Variants in LRRC25 observed in about 807,000 individuals in gnomAD.
The protein encoded by LRRC25 is leucine-rich repeat-containing protein 25.
In LRRC25, 5 loss-of-function variants were observed where a neutral mutation model predicts 18.8. That is an observed-to-expected ratio of 0.27 (90% CI 0.14 to 0.56). The LOEUF (loss-of-function observed/expected upper bound fraction) is 0.56. Ranked by LOEUF, LRRC25 falls within the 20% of genes least tolerant of loss-of-function variation. The pLI, the probability that LRRC25 is intolerant of heterozygous loss-of-function variation, is 0.93. For missense variants in LRRC25, 341 were observed against 389.8 expected (o/e 0.87, Z 1.05); for synonymous variants, 161 against 176.8 (o/e 0.91, Z 0.71).
In LRRC25 at chr19:18,396,279, G is replaced by T; in HGVS notation, c.685C>A (p.Pro229Thr). ...PRYGSRSAPK[P>T]QVAVPSCPST... ...GGGCAGGATGGCACGGCCACTTGGG[G>T]CTTGGGGGCGCTCCGGCTGCCGTAC... Residue 229 changes from proline to threonine, a missense_variant, in exon 1 of 2, where the codon CCC becomes ACC. Coordinates refer to ENST00000339007, the MANE Select transcript of LRRC25 (RefSeq NM_145256.3). 6.2e-7 allele frequency: 1 copy of T among 1,613,160 alleles called. No homozygotes were observed. The highest frequency in any genetic ancestry group is 8.5e-7 in the Non-Finnish European group (1 of 1,179,854).
intron 1 of LRRC25, among the ~76,000 whole-genome samples, chr19:18,394,540 C>T (rs1489151299): frequency 3.3e-5 from 5 of 152,072 alleles, no homozygotes; most frequent in South Asian, 4.1e-4. Context: ...CTCCTGACCT[C>T]GTGATCCTCC....
intron 1 of LRRC25, among the ~76,000 whole-genome samples, chr19:18,393,155 A>G (rs1028943061): frequency 6.6e-6 from 1 of 152,166 alleles, no homozygotes; most frequent in Non-Finnish European, 1.5e-5. Flanking sequence ...CACTGAAGCA[A>G]CTGACTTTGT....
intron 1 of LRRC25, among the ~76,000 whole-genome samples, chr19:18,395,239 C>T (rs935080318): frequency 1.4e-4 from 22 of 151,842 alleles, no homozygotes; most frequent in African/African-American, 4.4e-4. Flanking sequence ...GGCGTGGTGG[C>T]GGGCGCCTGT....
At chr19:18,394,371 T>A (rs887417479) in intron 1 of LRRC25, among the ~76,000 whole-genome samples, 95 of 150,818 alleles carry the variant, frequency 6.3e-4, no homozygotes, top group African/African-American at 2.1e-3. Context: ...AGTGGTGCGA[T>A]CTGGGCTCAC....
At position 18,396,968 on chromosome 19, in the gene LRRC25, G is replaced by A. The variant is rs760284517; in HGVS notation, c.-5C>T. 2 of 1,602,634 alleles carry A rather than the reference G, an allele frequency of 1.2e-6. No individual in the cohort carries two copies. The highest frequency in any genetic ancestry group is 1.1e-5 in the South Asian group (1 of 90,704). On this transcript the variant is annotated 5_prime_UTR_variant, in exon 1 of 2. Coordinates refer to ENST00000339007, the MANE Select transcript of LRRC25 (RefSeq NM_145256.3). ...CCATGCCAGGGTGCCCCCCATTCAA[G>A]CAACCTACGTAGAGACACCGGAATC... is the stretch of plus-strand genomic sequence containing the variant.
At position 18,396,477 on chromosome 19, in the gene LRRC25, A is replaced by G. The variant is rs746728837; in HGVS notation, c.487T>C (p.Ser163Pro). The change falls in exon 1 of 2, where the codon TCT (serine) becomes CCT (proline). Residue 163 changes from serine (S) to proline (P), a missense_variant. By Grantham distance (74) the Ser-to-Pro change is moderately conservative. Coordinates refer to ENST00000339007, the MANE Select transcript of LRRC25 (RefSeq NM_145256.3). ...LEVSCAPGLA[S>P]ATIGAVVVSG... ...ACCACCACTGCCCCGATAGTTGCAG[A>G]GGCCAGGCCAGGGGCGCAGCTGACC... 6 of 1,613,408 alleles carry G rather than the reference A, an allele frequency of 3.7e-6. No homozygotes were observed. The African/African-American group carries it at 4.0e-5, about 11-fold the overall frequency.
Position 18,396,894 on chromosome 19 carries a change from A to C in LRRC25, c.70T>G (p.Ser24Ala). ...ACATCCGCGGAGGACACGGTGCACG[A>C]CGGTTCTAGGCTGTCTGACTCCCGC... Reference protein sequence around the residue: ...LLRESDSLEPSCTVSSADVDW... With the variant: ...LLRESDSLEPACTVSSADVDW... The change falls in exon 1 of 2, where the codon TCG becomes GCG. Residue 24 changes from serine (S) to alanine (A), a missense_variant. Coordinates refer to ENST00000339007, the MANE Select transcript of LRRC25 (RefSeq NM_145256.3). The C allele has an allele frequency of 6.2e-7, 1 of 1,613,574 alleles. No individual in the cohort carries two copies. The highest frequency in any genetic ancestry group is 8.5e-7 in the Non-Finnish European group (1 of 1,180,012).
Position 18,396,408 on chromosome 19 carries a change from G to A in LRRC25, c.556C>T (p.Leu186=). 1 of 1,613,556 alleles carries A rather than the reference G, an allele frequency of 6.2e-7. No individual in the cohort carries two copies. Among genetic ancestry groups the A allele is most frequent in the African/African-American group, 1.3e-5 (1 of 75,070 alleles). Residue 186 remains leucine, a synonymous_variant, in exon 1 of 2, where the codon CTG becomes TTG. Transcript: ENST00000339007. ...CGGCATCGCCAGAGTCTCCAGGCCA[G>A]CACAGGGCCAGCGATGGCAAGTCCA... is the stretch of plus-strand genomic sequence containing the variant. The part of the protein sequence containing the change: ...LLGLAIAGPV[L]AWRLWRCRVA...
Position 18,396,721 on chromosome 19 carries a change from A to G in LRRC25, c.243T>C (p.Phe81=), listed in dbSNP as rs780632586. The G allele has an allele frequency of 6.2e-7, 1 of 1,614,122 alleles. No homozygotes were observed. The highest frequency in any genetic ancestry group is 1.1e-5 in the South Asian group (1 of 91,076). Residue 81 remains phenylalanine, a synonymous_variant, in exon 1 of 2, where the codon TTT becomes TTC. Transcript: ENST00000339007. The stretch of plus-strand genomic sequence containing the variant: ...GGACCTCAAGCTTCTGCAGGTGGGC[A>G]AAGAAGGTCACTGGAAGCTCTCGCA... ...NGLRELPVTF[F]AHLQKLEVLN... is the part of the protein sequence containing the mutation.
chr19:18,395,564 G>T (rs1003779221), intron 1 of LRRC25, among the ~76,000 whole-genome samples: 1 of 152,030 alleles, frequency 6.6e-6, no homozygotes, highest in Admixed American at 6.6e-5. Flanking sequence ...CCCCAACTCC[G>T]CTCAAGCAGT....
At position 18,396,207 on chromosome 19, in the gene LRRC25, C is replaced by T. The variant is rs772467077; in HGVS notation, c.757G>A (p.Glu253Lys). 1.1e-5 allele frequency: 18 copies of T among 1,603,330 alleles called. No individual in the cohort carries two copies. The highest frequency in any genetic ancestry group is 1.0e-4 in the Admixed American group (6 of 59,652). ...ENMFVGQPAA[E>K]HQWDEQGAHP... ...TACCCTTGTTCATCCCACTGGTGCT[C>T]GGCTGCTGGCTGGCCCACAAACATG... Residue 253 changes from glutamate (E) to lysine (K), a missense_variant, in exon 1 of 2, where the codon GAG becomes AAG. By Grantham distance (56) the Glu-to-Lys change is moderately conservative. Transcript: ENST00000339007.
intron 1 of LRRC25, among the ~76,000 whole-genome samples, chr19:18,393,767 A>G (rs936083798): frequency 6.6e-6 from 1 of 152,120 alleles, no homozygotes; most frequent in Non-Finnish European, 1.5e-5. Flanking sequence ...TGGCTATGTG[A>G]CCTTGGACAA....
rs1395711359 is a variant in LRRC25, at chr19:18,394,108, G to A, written c.780-1983C>T. ...GCTGCCCAAACACAGCCATGGCCGCGGCCCCTTCCTGCTTGGCCCTCCCTG... is the reference window on the plus strand; with the variant it reads ...GCTGCCCAAACACAGCCATGGCCGCAGCCCCTTCCTGCTTGGCCCTCCCTG... On this transcript the variant is annotated intron_variant, in intron 1 of 1. Transcript: ENST00000339007. Among the ~76,000 whole-genome samples, 4 of 151,764 alleles carry A rather than the reference G, an allele frequency of 2.6e-5. No homozygotes were observed. In the South Asian group the frequency reaches 8.3e-4, roughly 32 times the overall value.
chr19:18,394,805 C>T (rs1243604267), intron 1 of LRRC25, among the ~76,000 whole-genome samples: 5 of 152,266 alleles, frequency 3.3e-5, no homozygotes, highest in Non-Finnish European at 4.4e-5. Context: ...AAGCCGGTGG[C>T]GGTGGCTCAC....
intron 1 of LRRC25, 79 bp downstream of exon 1, chr19:18,396,106 C>A (rs1413611099): frequency 6.7e-7 from 1 of 1,499,676 alleles, no homozygotes; most frequent in African/African-American, 1.4e-5. Context: ...AGCGGCAGAG[C>A]TGGGATTTGA....
intron 1 of LRRC25, among the ~76,000 whole-genome samples, chr19:18,394,282 T>G (rs923501149): frequency 6.6e-6 from 1 of 151,276 alleles, no homozygotes; most frequent in Non-Finnish European, 1.5e-5. Context: ...GAAAAGCTTT[T>G]CTTTTCTTTT....
chr19:18,392,826 C>CA (rs1334843166), intron 1 of LRRC25, among the ~76,000 whole-genome samples: 1 of 151,988 alleles, frequency 6.6e-6, no homozygotes, highest in East Asian at 1.9e-4. Context: ...CCCATCTCTA[C>CA]AAAAAATTAA....
chr19:18,397,120 C>T lies in LRRC25; in HGVS notation c.-157G>A. 5.3e-6 allele frequency: 4 copies of T among 755,256 alleles called. No individual in the cohort carries two copies. The highest frequency in any genetic ancestry group is 8.4e-6 in the Non-Finnish European group (4 of 478,840). The allele number at this position is 755,256 out of a possible 1,614,324, so 46.8% of individuals were successfully genotyped here. A position where few individuals can be genotyped will look rare whatever the true frequency, so the allele number is the denominator to read the frequency against. ...GCCCCAGTCTGGTCGCCTCCTTTGG[C>T]TGGTGGGCTGCCTCAGTCTCCCCTT... On this transcript the variant is annotated 5_prime_UTR_variant, in exon 1 of 2. Coordinates refer to ENST00000339007, the MANE Select transcript of LRRC25 (RefSeq NM_145256.3).
At chr19:18,393,510 A>G (rs1971926920) in intron 1 of LRRC25, among the ~76,000 whole-genome samples, 1 of 151,938 alleles carries the variant, frequency 6.6e-6, no homozygotes, top group African/African-American at 2.4e-5. Context: ...GCTACTCGGG[A>G]GGCTGAGGCA....
Sources: allele counts gnomAD v4.1 joint callset (sites outside exome capture counted in the v4.1 genomes callset), GRCh38; gene constraint gnomAD v4.1.1; transcripts MANE v1.5; gene names NCBI Gene and HGNC (gene_info 2026-07-23, HGNC 2026-07-21).